Variants in AFG1L observed in about 807,000 individuals in gnomAD.
The protein encoded by AFG1L is AFG1 like ATPase.
Under a neutral mutation model 62.2 loss-of-function variants are expected in AFG1L, and 53 were observed. The observed-to-expected ratio is 0.85, with a 90% CI of 0.68 to 1.07. The LOEUF (loss-of-function observed/expected upper bound fraction) is 1.07, where lower values mean the gene tolerates loss of function less well. AFG1L is among the 50% of genes least tolerant of loss of function. The pLI, the probability that AFG1L is intolerant of heterozygous loss-of-function variation, is 0.00. For missense variants in AFG1L, 555 were observed against 590.5 expected (o/e 0.94, Z 0.62); for synonymous variants, 228 against 210.3 (o/e 1.08, Z -0.73).
intron 10 of AFG1L, among the ~76,000 whole-genome samples, chr6:108,509,815 G>T (rs1163267296): frequency 6.6e-6 from 1 of 152,156 alleles, no homozygotes; most frequent in Non-Finnish European, 1.5e-5. Flanking sequence ...GTGTCTTTTT[G>T]TAAAAAGGAA....
intron 7 of AFG1L, among the ~76,000 whole-genome samples, chr6:108,416,731 A>C (rs982518264): frequency 6.6e-6 from 1 of 152,126 alleles, no homozygotes; most frequent in South Asian, 2.1e-4. Flanking sequence ...CAATGCAAAC[A>C]CTTGGACACA....
chr6:108,487,377 C>T (rs1001239431), intron 10 of AFG1L, among the ~76,000 whole-genome samples: 6 of 152,088 alleles, frequency 3.9e-5, no homozygotes, highest in Non-Finnish European at 8.8e-5. Context: ...CTCTGACTAC[C>T]CCCACCAAAA....
At chr6:108,448,948 G>GAA (rs1771930222) in intron 8 of AFG1L, among the ~76,000 whole-genome samples, 1 of 151,926 alleles carries the variant, frequency 6.6e-6, no homozygotes, top group African/African-American at 2.4e-5. Flanking sequence ...CCAGGAGTTT[G>GAA]AAACCAGCTG....
At chr6:108,513,327 C>T (rs560915634) in intron 11 of AFG1L, among the ~76,000 whole-genome samples, 15 of 152,318 alleles carry the variant, frequency 9.8e-5, no homozygotes, top group African/African-American at 2.4e-4. Context: ...TCGCCTCACC[C>T]GGGAAGCACA....
chr6:108,470,068 G>A (rs1772824624), intron 8 of AFG1L, among the ~76,000 whole-genome samples: 5 of 152,204 alleles, frequency 3.3e-5, no homozygotes. Flanking sequence ...GTGAGAACTG[G>A]TCTGCTTCAT....
chr6:108,505,291 A>G (rs912609840), intron 10 of AFG1L, among the ~76,000 whole-genome samples: 2 of 152,032 alleles, frequency 1.3e-5, no homozygotes, highest in Non-Finnish European at 2.9e-5. Context: ...ATGGGGTTTC[A>G]CCATCTTGGC....
intron 2 of AFG1L, among the ~76,000 whole-genome samples, chr6:108,331,978 A>G (rs1168391901): frequency 6.6e-6 from 1 of 151,780 alleles, no homozygotes; most frequent in Non-Finnish European, 1.5e-5. Flanking sequence ...CTTATTTCCA[A>G]CTCCCTCTTA....
At chr6:108,456,870 A>G (rs1772273876) in intron 8 of AFG1L, among the ~76,000 whole-genome samples, 1 of 152,142 alleles carries the variant, frequency 6.6e-6, no homozygotes, top group Admixed American at 6.5e-5. Flanking sequence ...TTGCCATTAT[A>G]TTACAGTTGC....
chr6:108,301,382 C>A (rs1226299985), intron 1 of AFG1L, among the ~76,000 whole-genome samples: 1 of 152,168 alleles, frequency 6.6e-6, no homozygotes, highest in Non-Finnish European at 1.5e-5. Context: ...CATTTCCCCC[C>A]ACTCCCTTTT....
chr6:108,447,448 C>T (rs979179133), intron 8 of AFG1L, 152 bp downstream of exon 8: 155 of 543,540 alleles, frequency 2.9e-4, no homozygotes, highest in Middle Eastern at 4.8e-4. Context: ...TTCTTCAACC[C>T]GTGTCTTTAC....
At chr6:108,494,090 G>A (rs1773875694) in intron 10 of AFG1L, among the ~76,000 whole-genome samples, 1 of 152,096 alleles carries the variant, frequency 6.6e-6, no homozygotes, top group African/African-American at 2.4e-5. Context: ...CCAAACTGCT[G>A]GGATTACAGG....
chr6:108,383,495 A>T (rs1487450680), intron 6 of AFG1L, among the ~76,000 whole-genome samples: 1 of 152,204 alleles, frequency 6.6e-6, no homozygotes, highest in African/African-American at 2.4e-5. Flanking sequence ...TTAAAATTAA[A>T]TAAATTAAAA....
intron 6 of AFG1L, among the ~76,000 whole-genome samples, chr6:108,381,784 A>G (rs1780537263): frequency 6.6e-6 from 1 of 152,226 alleles, no homozygotes; most frequent in South Asian, 2.1e-4. Context: ...AGTAGGTTAA[A>G]TTAGTTAAAC....
At chr6:108,307,994 G>A (rs186177592) in intron 1 of AFG1L, among the ~76,000 whole-genome samples, 1 of 152,198 alleles carries the variant, frequency 6.6e-6, no homozygotes, top group Non-Finnish European at 1.5e-5. Flanking sequence ...CACATTGTCT[G>A]TTTCTTAATG....
At chr6:108,486,480 A>G (rs1562190504) in intron 10 of AFG1L, among the ~76,000 whole-genome samples, 1 of 152,126 alleles carries the variant, frequency 6.6e-6, no homozygotes, top group African/African-American at 2.4e-5. Flanking sequence ...AGAATATGCT[A>G]TTTTTGTTTT....
chr6:108,460,022 T>A (rs1463104126), intron 8 of AFG1L, among the ~76,000 whole-genome samples: 1 of 150,594 alleles, frequency 6.6e-6, no homozygotes, highest in African/African-American at 2.4e-5. Context: ...ATGGGCCTTA[T>A]GTGGATCCTG....
chr6:108,323,826 C>T lies in AFG1L; in HGVS notation c.141C>T (p.Ala47=). ...ATAPGKPFWK[A]YTVQTSESMT... is the part of the protein sequence containing the mutation. ...AAAATTTTATGTTTTTGTTTATAGC[C>T]TATACGGTTCAGACATCCGAGAGCA... The change falls in exon 2 of 13, where the codon GCC becomes GCT. Residue 47 remains alanine, a splice_region_variant and synonymous_variant. Transcript: ENST00000368977. The T allele has an allele frequency of 7.4e-6, 12 of 1,610,778 alleles. No homozygotes were observed. Among genetic ancestry groups the T allele is most frequent in the Non-Finnish European group, 1.0e-5 (12 of 1,177,078 alleles).
At chr6:108,454,262 T>C (rs1385845997) in intron 8 of AFG1L, among the ~76,000 whole-genome samples, 1 of 152,174 alleles carries the variant, frequency 6.6e-6, no homozygotes, top group Non-Finnish European at 1.5e-5. Context: ...TACCACACAG[T>C]TTAAGACTAT....
intron 6 of AFG1L, among the ~76,000 whole-genome samples, chr6:108,376,158 TCA>T (rs1447929085): frequency 6.6e-6 from 1 of 152,186 alleles, no homozygotes; most frequent in Non-Finnish European, 1.5e-5. Flanking sequence ...GGTTGGAATG[TCA>T]CCTTTGTCAT....
Sources: gnomAD v4.1 joint callset for allele counts (sites outside exome capture counted in the v4.1 genomes callset) on GRCh38, gnomAD v4.1.1 for gene constraint, MANE v1.5 for transcripts, NCBI Gene and HGNC (gene_info 2026-07-23, HGNC 2026-07-21) for gene names.